The following DIP2C variants were observed in gnomAD, a reference collection of about 807,000 sequenced individuals.
DIP2C encodes the protein disco-interacting protein 2 homolog C.
DIP2C carries 33 observed loss-of-function variants against 192.4 expected under a neutral mutation model. The observed-to-expected ratio is 0.17, with a 90% confidence interval of 0.13 to 0.23. The LOEUF is 0.23. Among genes scored for constraint, DIP2C ranks in the 10% least tolerant of loss-of-function variants. The pLI is 1.00. For synonymous variants in DIP2C, 979 were observed against 864.1 expected (o/e 1.13, Z -2.33); for missense variants, 1,537 against 2,110.1 (o/e 0.73, Z 5.32).
At chr10:679,034 G>A (rs76721983) in intron 1 of DIP2C, among the ~76,000 whole-genome samples, 2 of 6,132 alleles carry the variant, frequency 3.3e-4, no homozygotes, top group African/African-American at 5.0e-4. Context: ...TGTCCTCCCC[G>A]CGCCCATGCT....
chr10:295,420 G>A (rs1358072230), intron 32 of DIP2C, among the ~76,000 whole-genome samples: 1 of 151,790 alleles, frequency 6.6e-6, no homozygotes, highest in Non-Finnish European at 1.5e-5. Flanking sequence ...AATTAGCCGG[G>A]TGCGGTGGCG....
chr10:689,463 GCGGCC>G lies in DIP2C; in HGVS notation c.85+26_85+30del. The G allele has an allele frequency of 8.9e-7, 1 of 1,125,992 alleles. No homozygotes were observed. Among genetic ancestry groups the G allele is most frequent in the Non-Finnish European group, 1.1e-6 (1 of 914,728 alleles). 69.8% of individuals were successfully genotyped at this position (1,125,992 alleles called of 1,614,324 possible). A position where few individuals can be genotyped will look rare whatever the true frequency, so the allele number is the denominator to read the frequency against. ...GCGCGCGGCCCTCCCCGGTGACAGC[GCGGCC>G]CGGCCCGGGGCGGGGGCCCGGTTAC... On this transcript the variant is annotated intron_variant, in intron 1 of 36. Transcript: ENST00000280886. The surrounding 1 kb of genome is among the most constrained non-coding windows in gnomAD (Gnocchi z 6.1).
intron 11 of DIP2C, 123 bp downstream of exon 11, chr10:390,617 G>T (rs935430381): frequency 1.4e-6 from 2 of 1,477,546 alleles, no homozygotes; most frequent in Non-Finnish European, 1.8e-6. Context: ...GTGAAAACTC[G>T]TGGGTCTGTG....
chr10:547,077 A>G (rs1848322609), intron 1 of DIP2C, among the ~76,000 whole-genome samples: 1 of 152,210 alleles, frequency 6.6e-6, no homozygotes, highest in South Asian at 2.1e-4. Flanking sequence ...CCTCTGAGCT[A>G]AGATAACCAT....
rs142096982 is a variant in DIP2C at position 517,863 on chromosome 10, G to A, written c.86-31333C>T. 2.6e-4 allele frequency among the ~76,000 whole-genome samples: 40 copies of A among 151,538 alleles called. No individual in the cohort carries two copies. In the East Asian group the frequency reaches 5.6e-3, roughly 21 times the overall value. ...TAACAAGAGGGTCCTGTAACCCTCA[G>A]GCATTGTCTAAACGTCAAATGGAAG... On this transcript the variant is annotated intron_variant, in intron 1 of 36. Coordinates refer to ENST00000280886, the MANE Select transcript of DIP2C (RefSeq NM_014974.3).
intron 1 of DIP2C, chr10:650,831 G>T (rs1273099647): frequency 2.8e-6 from 2 of 712,944 alleles, no homozygotes; most frequent in Non-Finnish European, 5.2e-6. Context: ...CCTCAGTTCT[G>T]CCTCAGCCCC....
intron 1 of DIP2C, among the ~76,000 whole-genome samples, chr10:579,818 T>C (rs1456457399): frequency 6.6e-6 from 1 of 152,024 alleles, no homozygotes; most frequent in African/African-American, 2.4e-5. Context: ...CACTATAATG[T>C]GTACATGCAT....
chr10:599,885 G>A (rs1851944622), intron 1 of DIP2C, among the ~76,000 whole-genome samples: 2 of 152,206 alleles, frequency 1.3e-5, no homozygotes. Flanking sequence ...CGCCTCCCCA[G>A]TCTCTGCTCA....
At chr10:609,529 T>A (rs1465342079) in intron 1 of DIP2C, among the ~76,000 whole-genome samples, 3 of 152,248 alleles carry the variant, frequency 2.0e-5, no homozygotes, top group Non-Finnish European at 4.4e-5. Context: ...TAAGATTTCA[T>A]AATTAACTCA....
intron 7 of DIP2C, among the ~76,000 whole-genome samples, chr10:415,374 G>C (rs914380438): frequency 6.6e-6 from 1 of 152,120 alleles, no homozygotes; most frequent in African/African-American, 2.4e-5. Context: ...CAGCAGCTCC[G>C]GCACCTATAA....
chr10:311,693 T>C, intron 31 of DIP2C: 5 of 683,000 alleles, frequency 7.3e-6, no homozygotes, highest in Non-Finnish European at 1.0e-5. Flanking sequence ...GAGGGAGGGG[T>C]GGGGAGGAGA....
chr10:655,593 G>T (rs1354212128), intron 1 of DIP2C, among the ~76,000 whole-genome samples: 2 of 152,082 alleles, frequency 1.3e-5, no homozygotes, highest in Non-Finnish European at 2.9e-5. Flanking sequence ...TGTGCTTTGC[G>T]ACTCTACTAC....
intron 14 of DIP2C, among the ~76,000 whole-genome samples, chr10:385,028 C>T (rs1002115018): frequency 1.3e-5 from 2 of 150,898 alleles, no homozygotes; most frequent in African/African-American, 4.9e-5. Flanking sequence ...GAGAGTGCCA[C>T]GGACACCAGG....
rs375589422 is a variant in DIP2C at position 650,899 on chromosome 10, G to A, written c.85+38595C>T. The stretch of plus-strand genomic sequence containing the variant: ...TCCCCCTGGGATTCGTGGGCCTCAC[G>A]GGGGAAGCTGAGGGTGTGTCCATGC... On this transcript the variant is annotated intron_variant, in intron 1 of 36. Coordinates refer to ENST00000280886, the MANE Select transcript of DIP2C (RefSeq NM_014974.3). 208 of 717,502 alleles carry A rather than the reference G, an allele frequency of 2.9e-4. No individual in the cohort carries two copies. The East Asian group carries it at 4.9e-3, about 17-fold the overall frequency. 44.4% of individuals were successfully genotyped at this position (717,502 alleles called of 1,614,324 possible). A position where few individuals can be genotyped will look rare whatever the true frequency, so the allele number is the denominator to read the frequency against.
chr10:483,462 G>C (rs1843760990), intron 2 of DIP2C, among the ~76,000 whole-genome samples: 1 of 152,232 alleles, frequency 6.6e-6, no homozygotes, highest in Non-Finnish European at 1.5e-5. Context: ...CCAAATGAAG[G>C]TCGGCAGGGA....
chr10:603,069 C>T (rs1327757226), intron 1 of DIP2C, among the ~76,000 whole-genome samples: 1 of 152,054 alleles, frequency 6.6e-6, no homozygotes, highest in Non-Finnish European at 1.5e-5. Flanking sequence ...CACATCACCA[C>T]TAATTTGCAC....
rs1564684374 is a variant in DIP2C, at chr10:417,632, G to GTTCGAATAGGC, written c.739+1432_739+1433insGCCTATTCGAA. Among the ~76,000 whole-genome samples, 13 of 126,456 alleles carry GTTCGAATAGGC rather than the reference G, an allele frequency of 1.0e-4. 1 individual carries two copies. The highest frequency in any genetic ancestry group is 2.9e-4 in the African/African-American group (10 of 34,072). The allele number at this position is 126,456 out of a possible 152,430, so 83.0% of individuals were successfully genotyped here. On this transcript the variant is annotated intron_variant, in intron 6 of 36. Transcript: ENST00000280886. ...TCCCTGTCTGCCTGCGCCTGTCAGG[G>GTTCGAATAGGC]CTCGGATAGGCCTCCCTGTCCACCT...
chr10:530,093 G>A (rs751129869), intron 1 of DIP2C, among the ~76,000 whole-genome samples: 13 of 152,220 alleles, frequency 8.5e-5, no homozygotes, highest in Non-Finnish European at 1.5e-4. Context: ...GCCTGCCGCC[G>A]TCTAAGTGAC....
chr10:349,289 C>CG, intron 25 of DIP2C, 42 bp downstream of exon 25: 1 of 1,583,464 alleles, frequency 6.3e-7, no homozygotes, highest in Non-Finnish European at 8.6e-7. Context: ...CGCGGCTGAC[C>CG]GGCTTGCCAT....
Sources: gnomAD v4.1 joint callset for allele counts (sites outside exome capture counted in the v4.1 genomes callset) on GRCh38, gnomAD v4.1.1 for gene constraint, Gnocchi (gnomAD v3.1) non-coding constraint, MANE v1.5 for transcripts, NCBI Gene and HGNC (gene_info 2026-07-23, HGNC 2026-07-21) for gene names.